INTS9: variants seen among roughly 807,000 people sequenced by gnomAD.
INTS9 encodes the protein protein related to CPSF subunits of 74 kDa.
A neutral mutation model predicts 79.7 loss-of-function variants in INTS9; 55 were observed. The ratio of observed to expected loss-of-function variants is 0.69; its 90% CI spans 0.56 to 0.86. INTS9 has a LOEUF of 0.86. INTS9 is among the 40% of genes least tolerant of loss of function. The probability of loss-of-function intolerance (pLI) is 0.00; values close to 1 mark genes in which losing one functional copy is unlikely to be tolerated. For synonymous variants in INTS9, 319 were observed against 325.2 expected (o/e 0.98, Z 0.20); for missense variants, 721 against 831.5 (o/e 0.87, Z 1.64).
chr8:28,870,349 C>CTTTTT (rs10580665), intron 1 of INTS9, among the ~76,000 whole-genome samples: 20 of 80,584 alleles, frequency 2.5e-4, no homozygotes, highest in East Asian at 9.1e-4. Context: ...CAGAAAAAAG[C>CTTTTT]TTTTTTTTTT....
intron 13 of INTS9, 159 bp from the exon 14 acceptor site, chr8:28,776,085 G>T: frequency 1.9e-6 from 1 of 532,470 alleles, no homozygotes; most frequent in Non-Finnish European, 3.2e-6. Flanking sequence ...ACCGTAGACA[G>T]GAGAGGGAAC....
intron 5 of INTS9, among the ~76,000 whole-genome samples, chr8:28,836,637 T>C (rs1351315900): frequency 6.6e-6 from 1 of 152,208 alleles, no homozygotes; most frequent in African/African-American, 2.4e-5. Context: ...GTGTCCTGGA[T>C]GTAGCTTTCA....
chr8:28,803,357 T>C (rs1358705475), intron 8 of INTS9, among the ~76,000 whole-genome samples: 1 of 152,240 alleles, frequency 6.6e-6, no homozygotes, highest in African/African-American at 2.4e-5. Flanking sequence ...TTCATTTGAT[T>C]AGCCAGGGCC....
At chr8:28,848,229 G>A (rs1424718475) in intron 3 of INTS9, among the ~76,000 whole-genome samples, 1 of 152,186 alleles carries the variant, frequency 6.6e-6, no homozygotes, top group Non-Finnish European at 1.5e-5. Context: ...TTTCCAGAAA[G>A]GGAAAGATAC....
chr8:28,811,387 G>A (rs1053323143), intron 8 of INTS9, among the ~76,000 whole-genome samples: 7 of 151,376 alleles, frequency 4.6e-5, no homozygotes, highest in African/African-American at 7.3e-5. Context: ...GCTTCCCAAA[G>A]TGCTGGGATT....
At chr8:28,800,816 G>C (rs1804473677) in intron 8 of INTS9, among the ~76,000 whole-genome samples, 1 of 152,206 alleles carries the variant, frequency 6.6e-6, no homozygotes, top group African/African-American at 2.4e-5. Flanking sequence ...GTGAGGTAAT[G>C]AATGAACAAC....
chr8:28,841,123 G>A (rs1807158743), intron 4 of INTS9, among the ~76,000 whole-genome samples: 1 of 152,090 alleles, frequency 6.6e-6, no homozygotes, highest in African/African-American at 2.4e-5. Flanking sequence ...TGCCAGCAGA[G>A]GTCATAAGCC....
At chr8:28,800,040 T>C (rs1325307081) in intron 8 of INTS9, among the ~76,000 whole-genome samples, 1 of 152,312 alleles carries the variant, frequency 6.6e-6, no homozygotes, top group Non-Finnish European at 1.5e-5. Context: ...CCCTGGGGCA[T>C]CTAATACTTT....
chr8:28,773,267 T>G (rs1332256780), intron 14 of INTS9, among the ~76,000 whole-genome samples: 13 of 152,070 alleles, frequency 8.5e-5, no homozygotes, highest in South Asian at 4.2e-4. Flanking sequence ...ATTGAGACCA[T>G]CCTGGCTAAC....
intron 1 of INTS9, chr8:28,859,784 G>A: frequency 1.6e-6 from 1 of 613,772 alleles, no homozygotes; most frequent in East Asian, 3.3e-5. Context: ...CTTTTCACAG[G>A]GTGCCAAGGC....
At chr8:28,819,245 A>G (rs1390658379) in intron 6 of INTS9, among the ~76,000 whole-genome samples, 1 of 152,102 alleles carries the variant, frequency 6.6e-6, no homozygotes, top group Admixed American at 6.5e-5. Context: ...TTGTGATGTT[A>G]GGGTGTCAAT....
At chr8:28,817,901 T>G (rs1462577932) in intron 6 of INTS9, among the ~76,000 whole-genome samples, 66 of 151,594 alleles carry the variant, frequency 4.4e-4, no homozygotes, top group African/African-American at 1.6e-3. Context: ...CTAGGTATTT[T>G]ATTCTCTTTG....
chr8:28,798,224 G>A (rs1398529158), intron 8 of INTS9: 2 of 152,226 alleles, frequency 1.3e-5, no homozygotes, highest in South Asian at 4.1e-4. Context: ...AAGAGAGGAA[G>A]GGAAGTACAG....
intron 6 of INTS9, among the ~76,000 whole-genome samples, chr8:28,819,131 G>GT (rs1469741724): frequency 1.3e-5 from 2 of 152,110 alleles, no homozygotes; most frequent in East Asian, 3.8e-4. Context: ...TTTTGGAAGG[G>GT]TTTTTTGTGT....
chr8:28,830,118 C>T (rs180989117), intron 6 of INTS9, among the ~76,000 whole-genome samples: 4 of 151,968 alleles, frequency 2.6e-5, no homozygotes, highest in Admixed American at 6.5e-5. Flanking sequence ...GAAAAATTTC[C>T]GTGAACTAGA....
At chr8:28,845,307 T>A (rs773591947) in intron 4 of INTS9, among the ~76,000 whole-genome samples, 5 of 152,214 alleles carry the variant, frequency 3.3e-5, no homozygotes, top group Non-Finnish European at 5.9e-5. Flanking sequence ...TGGGCTATAA[T>A]AAGTGCCTCT....
intron 6 of INTS9, among the ~76,000 whole-genome samples, chr8:28,824,304 C>G (rs1158665016): frequency 2.6e-5 from 4 of 152,214 alleles, no homozygotes; most frequent in Non-Finnish European, 4.4e-5. Context: ...CTTCCCCCAA[C>G]TTTAATGATT....
chr8:28,819,469 G>A (rs1002407792), intron 6 of INTS9, among the ~76,000 whole-genome samples: 1 of 152,196 alleles, frequency 6.6e-6, no homozygotes, highest in Non-Finnish European at 1.5e-5. Flanking sequence ...GGTTTTGAGT[G>A]AGTTTCTTAA....
At chr8:28,861,893 C>CACCGAGCTCATTCGCCTT (rs1393445560) in intron 1 of INTS9, 1 of 162,498 alleles carries the variant, frequency 6.2e-6, no homozygotes, top group African/African-American at 2.4e-5. Context: ...AGGTGCCAGG[C>CACCGAGCTCATTCGCCTT]ACCGAGCTCA....
Sources: gnomAD v4.1 joint callset for allele counts (sites outside exome capture counted in the v4.1 genomes callset) on GRCh38, gnomAD v4.1.1 for gene constraint, MANE v1.5 for transcripts, NCBI Gene and HGNC (gene_info 2026-07-23, HGNC 2026-07-21) for gene names.